The following LUC7L3 variants were observed in gnomAD, a reference collection of about 807,000 sequenced individuals.
LUC7L3 encodes luc7-like protein 3.
LUC7L3 carries 6 observed loss-of-function variants against 66.8 expected under a neutral mutation model. The observed-to-expected ratio is 0.09, with a 90% CI of 0.05 to 0.18. The LOEUF (loss-of-function observed/expected upper bound fraction) is 0.18, where lower values mean the gene tolerates loss of function less well. LUC7L3 is among the 10% of genes least tolerant of loss of function. LUC7L3 has a pLI of 1.00. For synonymous variants in LUC7L3, 160 were observed against 174.7 expected, an observed-to-expected ratio of 0.92 and a Z score of 0.66; for missense variants, 341 against 531.1, an observed-to-expected ratio of 0.64 and a Z score of 3.52.
intron 1 of LUC7L3, among the ~76,000 whole-genome samples, chr17:50,720,996 C>T (rs781442064): frequency 1.3e-5 from 2 of 152,062 alleles, no homozygotes; most frequent in Non-Finnish European, 1.5e-5. Context: ...AACATTTAGG[C>T]TCCCCATCCC....
At chr17:50,740,858 C>G (rs934929018) in intron 3 of LUC7L3, among the ~76,000 whole-genome samples, 9 of 152,206 alleles carry the variant, frequency 5.9e-5, no homozygotes, top group Non-Finnish European at 1.3e-4. Flanking sequence ...CCATGCCCAG[C>G]CCCGATTTTA....
intron 5 of LUC7L3, among the ~76,000 whole-genome samples, chr17:50,742,947 G>A (rs1970438862): frequency 6.6e-6 from 1 of 152,172 alleles, no homozygotes; most frequent in African/African-American, 2.4e-5. Context: ...AAAATAATTA[G>A]GCTGAGTGAA....
At chr17:50,731,897 C>G (rs781773786) in intron 1 of LUC7L3, among the ~76,000 whole-genome samples, 1 of 152,140 alleles carries the variant, frequency 6.6e-6, no homozygotes, top group African/African-American at 2.4e-5. Flanking sequence ...TCTACGGAAA[C>G]CTACCCCCAG....
In LUC7L3 at chr17:50,750,821, A is replaced by G; in HGVS notation, c.*160A>G. The G allele has an allele frequency of 6.5e-7, 1 of 1,547,274 alleles. No individual in the cohort carries two copies. The highest frequency in any genetic ancestry group is 8.7e-7 in the Non-Finnish European group (1 of 1,149,716). ...ACATACAAAAGCCTCTTCTGAAGGA[A>G]AAGACAGTGTAGTCCTGCAAAACAT... On this transcript the variant is annotated 3_prime_UTR_variant, in exon 10 of 10. Transcript: ENST00000505658.
chr17:50,726,425 G>T (rs1368747077), intron 1 of LUC7L3, among the ~76,000 whole-genome samples: 2 of 152,142 alleles, frequency 1.3e-5, no homozygotes, highest in South Asian at 2.1e-4. Context: ...GCCCACCTTG[G>T]CCTCCCAAAG....
At chr17:50,724,778 C>G (rs1041786382) in intron 1 of LUC7L3, among the ~76,000 whole-genome samples, 1 of 148,434 alleles carries the variant, frequency 6.7e-6, no homozygotes, top group Non-Finnish European at 1.5e-5. Context: ...TTTTTTACCC[C>G]CGAGATGGAG....
intron 1 of LUC7L3, among the ~76,000 whole-genome samples, chr17:50,727,241 A>G (rs371991071): frequency 4.6e-5 from 7 of 152,210 alleles, no homozygotes; most frequent in African/African-American, 1.7e-4. Flanking sequence ...GTTGTTATAA[A>G]GGAATACCTG....
At chr17:50,739,462 C>T (rs1297387163) in intron 2 of LUC7L3, among the ~76,000 whole-genome samples, 1 of 152,044 alleles carries the variant, frequency 6.6e-6, no homozygotes, top group East Asian at 1.9e-4. Flanking sequence ...GAACAGCTTG[C>T]CCAACAGGGT....
chr17:50,733,557 A>G (rs766651000), intron 1 of LUC7L3, among the ~76,000 whole-genome samples: 1 of 151,962 alleles, frequency 6.6e-6, no homozygotes, highest in Non-Finnish European at 1.5e-5. Flanking sequence ...GGCCGCTACC[A>G]CGCCTGGCTA....
At chr17:50,737,449 C>G (rs1597917425) in intron 2 of LUC7L3, 1 of 382,306 alleles carries the variant, frequency 2.6e-6, no homozygotes, top group Non-Finnish European at 5.1e-6. Flanking sequence ...TCAGCAGAAC[C>G]CTGGACAGGC....
At position 50,746,709 on chromosome 17, in the gene LUC7L3, T is replaced by A. The variant is rs1970689720; in HGVS notation, c.1138+7T>A. On this transcript the variant is annotated splice_region_variant and intron_variant, in intron 9 of 9. Transcript: ENST00000505658. ...AGAAAATCCAAGGAGAAAGGTTAGT[T>A]TATATGAGAATTCAGTTCATTAAGA... The A allele has an allele frequency of 6.2e-7, 1 of 1,609,784 alleles. No individual in the cohort carries two copies. The highest frequency in any genetic ancestry group is 8.5e-7 in the Non-Finnish European group (1 of 1,178,620).
rs961538545 is a variant in LUC7L3 at position 50,752,008 on chromosome 17, T to G, written c.*1347T>G. ...TGTAAGGTTATGTCTGTGTATGTCA[T>G]TCACACTTAGGCAAGCATACACAGG... On this transcript the variant is annotated 3_prime_UTR_variant, in exon 10 of 10. Coordinates refer to ENST00000505658, the MANE Select transcript of LUC7L3 (RefSeq NM_016424.5). 3.2e-5 allele frequency: 35 copies of G among 1,088,860 alleles called. No individual in the cohort carries two copies. The highest frequency in any genetic ancestry group is 4.9e-5 in the Admixed American group (1 of 20,434). 67.4% of individuals were successfully genotyped at this position (1,088,860 alleles called of 1,614,324 possible).
chr17:50,735,372 A>G (rs1048461777), intron 1 of LUC7L3, among the ~76,000 whole-genome samples: 7 of 152,202 alleles, frequency 4.6e-5, no homozygotes, highest in African/African-American at 1.7e-4. Context: ...CCGTTGAGGA[A>G]AAAAAAGGCC....
In LUC7L3 at chr17:50,745,720, G is replaced by T; in HGVS notation, c.694G>T (p.Glu232Ter). The change falls in exon 8 of 10, where the codon GAA (glutamate) becomes TAA (stop). Residue 232 changes from glutamate (E) to a stop codon, truncating the protein, a stop_gained and splice_region_variant. Transcript: ENST00000505658. LOFTEE classifies it high-confidence loss of function. ...TAAGAATCCAACTTGATTTTTCTAG[G>T]AAAAGTTAAGGAAAAGAACCGAAGA... Reference protein sequence around the residue: ...KIKATVEELKEKLRKRTEEPD... With the variant: ...KIKATVEELK 6.4e-7 allele frequency: 1 copy of T among 1,568,726 alleles called. No individual in the cohort carries two copies. The highest frequency in any genetic ancestry group is 1.2e-5 in the South Asian group (1 of 82,926).
Position 50,732,513 on chromosome 17 carries a change from C to G in LUC7L3, c.100-4447C>G, listed in dbSNP as rs924971074. Among the ~76,000 whole-genome samples, 4 of 151,932 alleles carry G rather than the reference C, an allele frequency of 2.6e-5. No individual in the cohort carries two copies. The East Asian group carries it at 7.7e-4, about 29-fold the overall frequency. On this transcript the variant is annotated intron_variant, in intron 1 of 9. Transcript: ENST00000505658. The stretch of plus-strand genomic sequence containing the variant: ...CCTTCCACCCTAGCCACCCAAGTAG[C>G]TGGGACTACAGGTGTGTGACACCAT...
chr17:50,750,379 G>A (rs917899045), intron 9 of LUC7L3, 122 bp from the exon 10 acceptor site: 10 of 890,526 alleles, frequency 1.1e-5, no homozygotes, highest in Middle Eastern at 2.3e-4. Flanking sequence ...TCACCAAACC[G>A]TTGCTTGCAG....
At chr17:50,722,181 C>T (rs1295641636) in intron 1 of LUC7L3, 4 of 125,176 alleles carry the variant, frequency 3.2e-5, no homozygotes, top group African/African-American at 1.3e-4. Context: ...TATGGCTCCT[C>T]TTATGCATTC....
intron 1 of LUC7L3, among the ~76,000 whole-genome samples, chr17:50,733,546 C>CG (rs1969775412): frequency 6.6e-6 from 1 of 151,998 alleles, no homozygotes; most frequent in Admixed American, 6.6e-5. Flanking sequence ...GGACTACAGG[C>CG]GGCCGCTACC....
chr17:50,720,968 G>A (rs184516224), intron 1 of LUC7L3, among the ~76,000 whole-genome samples: 1 of 152,098 alleles, frequency 6.6e-6, no homozygotes. Context: ...GTTTTTAAGA[G>A]GTGGGTTTTT....
Sources: allele counts gnomAD v4.1 joint callset (sites outside exome capture counted in the v4.1 genomes callset), GRCh38; gene constraint gnomAD v4.1.1; transcripts MANE v1.5; gene names NCBI Gene and HGNC (gene_info 2026-07-23, HGNC 2026-07-21).